The following FHIT variants were observed in gnomAD, a reference collection of about 807,000 sequenced individuals.
FHIT encodes bis(5'-adenosyl)-triphosphatase.
FHIT carries 19 observed loss-of-function variants against 17.9 expected under a neutral mutation model. The ratio of observed to expected loss-of-function variants is 1.06; its 90% CI spans 0.74 to 1.56. FHIT has a LOEUF of 1.56. FHIT is among the 40% of genes most tolerant of loss of function. FHIT has a pLI of 0.00. For synonymous variants in FHIT, 81 were observed against 69.7 expected, an observed-to-expected ratio of 1.16 and a Z score of -0.81; for missense variants, 248 against 189.2, an observed-to-expected ratio of 1.31 and a Z score of -1.82.
chr3:60,294,315 G>T (rs1440290420), intron 5 of FHIT, among the ~76,000 whole-genome samples: 1 of 152,096 alleles, frequency 6.6e-6, no homozygotes, highest in Non-Finnish European at 1.5e-5. Flanking sequence ...TTGATGCACT[G>T]AAACATGAAA....
intron 4 of FHIT, among the ~76,000 whole-genome samples, chr3:60,574,357 C>T (rs1332351341): frequency 1.3e-5 from 2 of 151,202 alleles, no homozygotes; most frequent in South Asian, 2.1e-4. Context: ...ATCTCCTTCT[C>T]CAACTCCTTT....
intron 4 of FHIT, among the ~76,000 whole-genome samples, chr3:60,720,662 T>C (rs1553707810): frequency 1.3e-5 from 2 of 152,276 alleles, no homozygotes. Context: ...GTGGGACCCA[T>C]GCACCTGAGG....
chr3:60,609,759 G>A (rs2038728385), intron 4 of FHIT, among the ~76,000 whole-genome samples: 1 of 152,134 alleles, frequency 6.6e-6, no homozygotes, highest in South Asian at 2.1e-4. Context: ...CCTGGAATGT[G>A]CCTCAAAGGT....
At chr3:60,996,220 C>T (rs1039371116) in intron 3 of FHIT, among the ~76,000 whole-genome samples, 2 of 152,092 alleles carry the variant, frequency 1.3e-5, no homozygotes, top group Admixed American at 6.5e-5. Context: ...CAGAGTGTGA[C>T]GAGATGGTGG....
At chr3:60,115,152 T>G (rs950168858) in intron 5 of FHIT, among the ~76,000 whole-genome samples, 3 of 151,790 alleles carry the variant, frequency 2.0e-5, no homozygotes, top group African/African-American at 7.3e-5. Context: ...TAAAACAAAA[T>G]GACAAAGGAA....
At chr3:60,681,863 A>G (rs2040756681) in intron 4 of FHIT, among the ~76,000 whole-genome samples, 1 of 152,230 alleles carries the variant, frequency 6.6e-6, no homozygotes, top group Non-Finnish European at 1.5e-5. Context: ...GAGAGAAGCC[A>G]TCTCCAGAAC....
At chr3:59,883,181 A>G (rs1202795604) in intron 8 of FHIT, among the ~76,000 whole-genome samples, 1 of 152,184 alleles carries the variant, frequency 6.6e-6, no homozygotes, top group African/African-American at 2.4e-5. Context: ...TGAAAGTAAT[A>G]AATATTAAAA....
At chr3:60,038,338 T>C (rs1477469040) in intron 5 of FHIT, among the ~76,000 whole-genome samples, 1 of 152,212 alleles carries the variant, frequency 6.6e-6, no homozygotes, top group African/African-American at 2.4e-5. Context: ...CTGTAATTCA[T>C]ATGAAATCTG....
At chr3:60,665,540 G>C (rs920102815) in intron 4 of FHIT, among the ~76,000 whole-genome samples, 4 of 151,798 alleles carry the variant, frequency 2.6e-5, no homozygotes, top group African/African-American at 9.7e-5. Context: ...CTTGTTTCCA[G>C]ATATTTTCTT....
At chr3:61,072,253 A>G (rs890363904) in intron 2 of FHIT, among the ~76,000 whole-genome samples, 1 of 152,134 alleles carries the variant, frequency 6.6e-6, no homozygotes, top group Non-Finnish European at 1.5e-5. Context: ...GATTTTATTC[A>G]GGTATTGACT....
intron 3 of FHIT, among the ~76,000 whole-genome samples, chr3:60,908,765 C>T (rs1706565546): frequency 6.7e-6 from 1 of 149,348 alleles, no homozygotes; most frequent in Non-Finnish European, 1.5e-5. Context: ...GAAATCATGA[C>T]CAGAGTCGAA....
intron 8 of FHIT, among the ~76,000 whole-genome samples, chr3:59,876,850 A>G (rs569624271): frequency 4.6e-5 from 7 of 152,182 alleles, no homozygotes; most frequent in African/African-American, 9.7e-5. Flanking sequence ...TGGGAAGCTA[A>G]TCTTACCCTT....
intron 5 of FHIT, among the ~76,000 whole-genome samples, chr3:60,329,414 T>C (rs759472710): frequency 6.6e-6 from 1 of 152,196 alleles, no homozygotes; most frequent in Non-Finnish European, 1.5e-5. Flanking sequence ...AGACATTCTT[T>C]ACCAGTGGAC....
At chr3:60,994,968 T>TA (rs1233040366) in intron 3 of FHIT, among the ~76,000 whole-genome samples, 1 of 152,180 alleles carries the variant, frequency 6.6e-6, no homozygotes, top group Non-Finnish European at 1.5e-5. Context: ...TTAGAAATTT[T>TA]AAAAAATTTA....
chr3:59,856,185 A>C (rs768072904), intron 8 of FHIT, among the ~76,000 whole-genome samples: 2 of 152,366 alleles, frequency 1.3e-5, no homozygotes, highest in Admixed American at 6.5e-5. Flanking sequence ...GTCAACAACT[A>C]TCTGTCAAAA....
chr3:59,758,655 T>C (rs1158088645), intron 8 of FHIT, among the ~76,000 whole-genome samples: 3 of 152,114 alleles, frequency 2.0e-5, no homozygotes, highest in Non-Finnish European at 2.9e-5. Context: ...TATAATAAGA[T>C]TGTTTTGTTT....
At chr3:60,244,538 T>C (rs974659808) in intron 5 of FHIT, among the ~76,000 whole-genome samples, 1 of 152,084 alleles carries the variant, frequency 6.6e-6, no homozygotes, top group Non-Finnish European at 1.5e-5. Flanking sequence ...ATAGCTTTTT[T>C]ACTGACTGAT....
intron 1 of FHIT, among the ~76,000 whole-genome samples, chr3:61,206,591 G>A (rs1278163942): frequency 1.3e-5 from 2 of 152,168 alleles, no homozygotes; most frequent in African/African-American, 4.8e-5. Flanking sequence ...TTGTGAATGG[G>A]AGTTCACTCA....
At chr3:60,291,147 C>T (rs1375687911) in intron 5 of FHIT, among the ~76,000 whole-genome samples, 2 of 152,070 alleles carry the variant, frequency 1.3e-5, no homozygotes, top group Non-Finnish European at 2.9e-5. Flanking sequence ...GTTTAATAGG[C>T]CAAAGAAAGA....
Sources: gnomAD v4.1 joint callset for allele counts (sites outside exome capture counted in the v4.1 genomes callset) on GRCh38, gnomAD v4.1.1 for gene constraint, MANE v1.5 for transcripts, NCBI Gene and HGNC (gene_info 2026-07-23, HGNC 2026-07-21) for gene names.